CNTLN: variants seen among roughly 807,000 people sequenced by gnomAD.
The protein encoded by CNTLN is centlein, centrosomal protein.
Under a neutral mutation model 180.0 loss-of-function variants are expected in CNTLN, and 212 were observed. That is an observed-to-expected ratio of 1.18 (90% CI 1.05 to 1.32). The LOEUF is 1.32. Ranked by LOEUF, CNTLN falls within the 40% of genes most tolerant of loss-of-function variation. CNTLN has a pLI of 0.00. For synonymous variants in CNTLN, 722 were observed against 563.1 expected (o/e 1.28, Z -3.99); for missense variants, 2,095 against 1,610.9 (o/e 1.30, Z -5.14).
chr9:17,280,314 C>G (rs971921771), intron 6 of CNTLN, among the ~76,000 whole-genome samples: 1 of 152,148 alleles, frequency 6.6e-6, no homozygotes, highest in Non-Finnish European at 1.5e-5. Context: ...TGATCTGTAT[C>G]TAGAGGAACT....
At chr9:17,459,561 G>A (rs1831334795) in intron 19 of CNTLN, among the ~76,000 whole-genome samples, 1 of 151,770 alleles carries the variant, frequency 6.6e-6, no homozygotes, top group Admixed American at 6.6e-5. Context: ...TTTTTGTTTT[G>A]ATGCTGGTTT....
At chr9:17,356,364 G>A (rs868284630) in intron 12 of CNTLN, among the ~76,000 whole-genome samples, 2 of 152,270 alleles carry the variant, frequency 1.3e-5, no homozygotes, top group Middle Eastern at 6.8e-3. Context: ...AGAGTGGAAA[G>A]TTTCAGAATA....
chr9:17,259,415 G>A (rs11523045), intron 5 of CNTLN, among the ~76,000 whole-genome samples: 45,103 of 118,230 alleles, frequency 0.38, 10,126 homozygotes, highest in South Asian at 0.63. Context: ...ATGTTCATCC[G>A]GGATATTGGT....
In CNTLN at chr9:17,135,176, G is replaced by T. The variant is rs1252169010; in HGVS notation, c.111G>T (p.Glu37Asp). ...CTGAAGTACACGCAATGCGCAGCGA[G>T]GCCTCGGGTTTTGCCGGCGCAGCGC... is the stretch of plus-strand genomic sequence containing the variant. ...RGAEVHAMRS[E>D]ASGFAGAARE... Residue 37 changes from glutamate (E) to aspartate (D), a missense_variant, in exon 1 of 26, where the codon GAG (glutamate) becomes GAT (aspartate). By Grantham distance (45) the Glu-to-Asp change is conservative. Coordinates refer to ENST00000380647, the MANE Select transcript of CNTLN (RefSeq NM_017738.4). The T allele has an allele frequency of 6.2e-7, 1 of 1,610,442 alleles. No homozygotes were observed. Among genetic ancestry groups the T allele is most frequent in the Non-Finnish European group, 8.5e-7 (1 of 1,178,924 alleles).
chr9:17,205,949 G>A (rs1223446516), intron 2 of CNTLN, among the ~76,000 whole-genome samples: 3 of 152,114 alleles, frequency 2.0e-5, no homozygotes, highest in South Asian at 2.1e-4. Context: ...GCAATGAGAG[G>A]CATTATAATG....
intron 25 of CNTLN, among the ~76,000 whole-genome samples, chr9:17,498,158 A>T (rs1555419): frequency 6.6e-6 from 1 of 151,982 alleles, no homozygotes; most frequent in Non-Finnish European, 1.5e-5. Context: ...CTTAAAAGTT[A>T]TCCTTATTTC....
chr9:17,405,536 C>G (rs1300624022), intron 15 of CNTLN, among the ~76,000 whole-genome samples: 1 of 151,634 alleles, frequency 6.6e-6, no homozygotes, highest in Non-Finnish European at 1.5e-5. Flanking sequence ...ATAACAAACT[C>G]ACTCCCATGA....
chr9:17,306,629 G>T (rs149618005), intron 7 of CNTLN, among the ~76,000 whole-genome samples: 1 of 152,264 alleles, frequency 6.6e-6, no homozygotes, highest in Non-Finnish European at 1.5e-5. Context: ...ATTGGTCCTC[G>T]ATCCTGACCA....
chr9:17,174,354 C>T (rs1820587652), intron 2 of CNTLN, among the ~76,000 whole-genome samples: 1 of 152,026 alleles, frequency 6.6e-6, no homozygotes, highest in Non-Finnish European at 1.5e-5. Context: ...GGATAAATGG[C>T]CAGGAGTGTA....
intron 5 of CNTLN, among the ~76,000 whole-genome samples, chr9:17,248,589 G>T (rs1201033067): frequency 6.8e-6 from 1 of 147,296 alleles, no homozygotes; most frequent in East Asian, 1.9e-4. Context: ...CTAAATAAAT[G>T]GAATCAAAAT....
intron 7 of CNTLN, among the ~76,000 whole-genome samples, chr9:17,304,857 G>C (rs1055826419): frequency 5.3e-5 from 8 of 152,048 alleles, no homozygotes; most frequent in Admixed American, 5.2e-4. Context: ...GATGTACATA[G>C]GTTATAAGCA....
intron 6 of CNTLN, among the ~76,000 whole-genome samples, chr9:17,286,653 C>T (rs947150906): frequency 1.6e-5 from 2 of 127,098 alleles, no homozygotes; most frequent in Non-Finnish European, 3.2e-5. Flanking sequence ...GAATGTTCTT[C>T]CATTTGTTTG....
chr9:17,498,703 C>T (rs559439583), intron 25 of CNTLN, among the ~76,000 whole-genome samples: 1 of 152,296 alleles, frequency 6.6e-6, no homozygotes, highest in South Asian at 2.1e-4. Context: ...TATCATTTCT[C>T]CTTCTTTATC....
At chr9:17,179,681 T>C (rs1345389241) in intron 2 of CNTLN, among the ~76,000 whole-genome samples, 4 of 152,224 alleles carry the variant, frequency 2.6e-5, no homozygotes, top group African/African-American at 9.6e-5. Flanking sequence ...GATTAGATCC[T>C]ATAGGTTGAT....
At chr9:17,480,148 A>C (rs147269852) in intron 23 of CNTLN, among the ~76,000 whole-genome samples, 1 of 152,064 alleles carries the variant, frequency 6.6e-6, no homozygotes, top group Non-Finnish European at 1.5e-5. Context: ...CTATGATTAC[A>C]CCACTGCATT....
At chr9:17,417,696 G>A (rs778840296) in intron 18 of CNTLN, among the ~76,000 whole-genome samples, 3 of 151,910 alleles carry the variant, frequency 2.0e-5, no homozygotes, top group African/African-American at 7.2e-5. Flanking sequence ...TACTTCTTGG[G>A]AGTTCCTTAA....
At chr9:17,367,012 A>T (rs535812467) in intron 13 of CNTLN, among the ~76,000 whole-genome samples, 3 of 152,218 alleles carry the variant, frequency 2.0e-5, no homozygotes, top group Non-Finnish European at 4.4e-5. Flanking sequence ...ACACAAAAAA[A>T]ACACCTACAT....
chr9:17,279,975 T>G (rs1309994833), intron 6 of CNTLN, among the ~76,000 whole-genome samples: 1 of 152,176 alleles, frequency 6.6e-6, no homozygotes, highest in Non-Finnish European at 1.5e-5. Flanking sequence ...CTTTGCCATG[T>G]GATGTCTGGC....
chr9:17,451,310 C>T (rs1465402460), intron 18 of CNTLN, among the ~76,000 whole-genome samples: 1 of 152,024 alleles, frequency 6.6e-6, no homozygotes, highest in African/African-American at 2.4e-5. Context: ...TTTTTAGAAA[C>T]ACAATAATAA....
Sources: allele counts gnomAD v4.1 joint callset (sites outside exome capture counted in the v4.1 genomes callset), GRCh38; gene constraint gnomAD v4.1.1; transcripts MANE v1.5; gene names NCBI Gene and HGNC (gene_info 2026-07-23, HGNC 2026-07-21).